The following DNAAF4 variants were observed in gnomAD, a reference collection of about 807,000 sequenced individuals.
The protein encoded by DNAAF4 is dynein axonemal assembly factor 4.
In DNAAF4, 43 loss-of-function variants were observed where a neutral mutation model predicts 51.8. The ratio of observed to expected loss-of-function variants is 0.83; its 90% confidence interval spans 0.65 to 1.07. DNAAF4 has a LOEUF of 1.07. Among genes scored for constraint, DNAAF4 ranks in the 50% least tolerant of loss-of-function variants. DNAAF4 has a pLI of 0.00. For missense variants in DNAAF4, 581 were observed against 493.0 expected, an observed-to-expected ratio of 1.18 and a Z score of -1.69; for synonymous variants, 194 against 165.6, an observed-to-expected ratio of 1.17 and a Z score of -1.32.
chr15:55,442,551 A>G lies in DNAAF4; in HGVS notation c.784-2970T>C, dbSNP rs576674304. 13 of 911,184 alleles carry G rather than the reference A, an allele frequency of 1.4e-5. No individual in the cohort carries two copies. In the Admixed American group the frequency reaches 2.0e-4, roughly 14 times the overall value. The allele number at this position is 911,184 out of a possible 1,614,324, so 56.4% of individuals were successfully genotyped here. ...GGCAGGCTTCTCCCTACAGGGATTC[A>G]GCAGTGAGGGAGCAGAGTATTCGGG... On this transcript the variant is annotated intron_variant, in intron 6 of 9. Transcript: ENST00000321149.
At chr15:55,495,940 T>C (rs1015614786) in intron 3 of DNAAF4, among the ~76,000 whole-genome samples, 2 of 152,052 alleles carry the variant, frequency 1.3e-5, no homozygotes, top group African/African-American at 4.8e-5. Flanking sequence ...AAACTGGGGA[T>C]GTCAGGCCGG....
intron 5 of DNAAF4, among the ~76,000 whole-genome samples, chr15:55,457,265 G>A (rs573936090): frequency 2.9e-4 from 44 of 152,262 alleles, no homozygotes; most frequent in Middle Eastern, 3.4e-3. Context: ...GGAGCTAGGT[G>A]AGGCCTGTCA....
In DNAAF4 at chr15:55,473,187, T is replaced by TA. The variant is rs879351208; in HGVS notation, c.406-6027dup. On this transcript the variant is annotated intron_variant, in intron 4 of 9. Coordinates refer to ENST00000321149, the MANE Select transcript of DNAAF4 (RefSeq NM_130810.4). ...CCTCAAAACAAACAAAAAAAAAACC[T>TA]AAAAAAAAAAAATATATATATATAT... Among the ~76,000 whole-genome samples, 88 of 27,526 alleles carry TA rather than the reference T, an allele frequency of 3.2e-3. 8 individuals carry two copies. The highest frequency in any genetic ancestry group is 0.042 in the Middle Eastern group (1 of 24). The allele number at this position is 27,526 out of a possible 152,430, so 18.1% of individuals were successfully genotyped here.
intron 4 of DNAAF4, among the ~76,000 whole-genome samples, chr15:55,481,247 A>G (rs2141556010): frequency 6.6e-6 from 1 of 152,260 alleles, no homozygotes; most frequent in South Asian, 2.1e-4. Context: ...CTTTTCCTAG[A>G]GGGAAAGCAC....
intron 5 of DNAAF4, among the ~76,000 whole-genome samples, chr15:55,451,774 G>T (rs1595909905): frequency 6.6e-6 from 1 of 151,882 alleles, no homozygotes. Flanking sequence ...CACCATACAT[G>T]GCTAATTTTT....
chr15:55,446,032 G>A lies in DNAAF4; in HGVS notation c.783+4190C>T, dbSNP rs193087772. On this transcript the variant is annotated intron_variant, in intron 6 of 9. Coordinates refer to ENST00000321149, the MANE Select transcript of DNAAF4 (RefSeq NM_130810.4). ...CAGAGGCGCTCCTCACCTCCCAGACGGGGTGGCCGGGCAGAGGCACTCCCC... is the reference window on the plus strand; with the variant it reads ...CAGAGGCGCTCCTCACCTCCCAGACAGGGTGGCCGGGCAGAGGCACTCCCC... Among the ~76,000 whole-genome samples the A allele has an allele frequency of 2.6e-3, 358 of 140,206 alleles. 15 individuals are homozygous for A. In the East Asian group the frequency reaches 0.076, roughly 30 times the overall value. The allele number at this position is 140,206 out of a possible 152,430, so 92.0% of individuals were successfully genotyped here.
At position 55,433,915 on chromosome 15, in the gene DNAAF4, T is replaced by TATA. The variant is rs1567000461; in HGVS notation, c.1047+987_1047+989dup. Among the ~76,000 whole-genome samples, 27 of 10,054 alleles carry TATA rather than the reference T, an allele frequency of 2.7e-3. 3 individuals are homozygous for TATA. The highest frequency in any genetic ancestry group is 0.01 in the South Asian group (4 of 388). The allele number at this position is 10,054 out of a possible 152,430, so 6.6% of individuals were successfully genotyped here. The stretch of plus-strand genomic sequence containing the variant: ...ATATATTATATATATTATATATAAT[T>TATA]ATATATATTATATTATATAAAATAT... On this transcript the variant is annotated intron_variant, in intron 8 of 9. Coordinates refer to ENST00000321149, the MANE Select transcript of DNAAF4 (RefSeq NM_130810.4).
At chr15:55,492,291 A>C (rs530694813) in intron 3 of DNAAF4, among the ~76,000 whole-genome samples, 12 of 149,724 alleles carry the variant, frequency 8.0e-5, no homozygotes, top group Admixed American at 7.9e-4. Context: ...AAAAAAAAAA[A>C]CAGAAGGGGA....
Position 55,433,912 on chromosome 15 carries a change from AATT to A in DNAAF4, c.1047+990_1047+992del, listed in dbSNP as rs372318753. ...TATATATATTATATATATTATATAT[AATT>A]ATATATATTATATTATATAAAATAT... is the stretch of plus-strand genomic sequence containing the variant. On this transcript the variant is annotated intron_variant, in intron 8 of 9. Transcript: ENST00000321149. Among the ~76,000 whole-genome samples, 34 of 8,196 alleles carry A rather than the reference AATT, an allele frequency of 4.1e-3. 1 individual carries two copies. The highest frequency in any genetic ancestry group is 0.021 in the African/African-American group (25 of 1,202). 5.4% of individuals were successfully genotyped at this position (8,196 alleles called of 152,430 possible).
At chr15:55,480,052 T>C (rs540942042) in intron 4 of DNAAF4, among the ~76,000 whole-genome samples, 2 of 152,322 alleles carry the variant, frequency 1.3e-5, no homozygotes, top group South Asian at 4.1e-4. Flanking sequence ...CTCAGAAGTA[T>C]GTGATCTTTG....
chr15:55,501,033 A>G (rs1567037810), intron 1 of DNAAF4, among the ~76,000 whole-genome samples: 2 of 148,812 alleles, frequency 1.3e-5, no homozygotes, highest in Non-Finnish European at 3.0e-5. Context: ...AAAAAAAAAA[A>G]TACCTGTATG....
chr15:55,435,100 A>T (rs745651876), intron 7 of DNAAF4, 42 bp from the exon 8 acceptor site: 1 of 1,547,744 alleles, frequency 6.5e-7, no homozygotes, highest in Non-Finnish European at 8.7e-7. Context: ...TTTAACATTG[A>T]AACAGAAACA....
rs1195323152 is a variant in DNAAF4 at position 55,418,447 on chromosome 15, T to C, written c.1048-314A>G. On this transcript the variant is annotated intron_variant, in intron 7 of 7. Transcript: ENST00000448430. ...CACAGTTTTTCCCCTGCAATTATAC[T>C]CCAAAGGAGCAAGTATTTTCAAGCC... 2.0e-6 allele frequency: 3 copies of C among 1,521,902 alleles called. No individual in the cohort carries two copies. The East Asian group carries it at 7.4e-5, about 37-fold the overall frequency. 94.3% of individuals were successfully genotyped at this position (1,521,902 alleles called of 1,614,324 possible).
At chr15:55,422,434 G>C (rs1420009426) in intron 7 of DNAAF4, among the ~76,000 whole-genome samples, 3 of 152,140 alleles carry the variant, frequency 2.0e-5, no homozygotes, top group African/African-American at 7.2e-5. Flanking sequence ...ACTACAAAGT[G>C]TAGGTAGAAA....
At chr15:55,464,661 C>A (rs982522438) in intron 5 of DNAAF4, among the ~76,000 whole-genome samples, 3 of 152,136 alleles carry the variant, frequency 2.0e-5, no homozygotes, top group Admixed American at 6.6e-5. Context: ...ATAGACAATT[C>A]TCAAAAGAAG....
rs561859211 is a variant in DNAAF4, at chr15:55,423,748, T to G, written c.1048-5615A>C. ...CCGGTGGATCACTTAAGATAAGGAG[T>G]GCGAGACCAGGCTGGCCAATATGGT... On this transcript the variant is annotated intron_variant, in intron 7 of 7. Transcript: ENST00000448430. Among the ~76,000 whole-genome samples, 56 of 151,774 alleles carry G rather than the reference T, an allele frequency of 3.7e-4. No homozygotes were observed. The South Asian group carries it at 5.6e-3, about 15-fold the overall frequency.
intron 5 of DNAAF4, among the ~76,000 whole-genome samples, chr15:55,450,800 T>C (rs1328010021): frequency 6.6e-6 from 1 of 152,172 alleles, no homozygotes. Flanking sequence ...CAAAGAGAAC[T>C]AATGAGAACT....
At chr15:55,445,845 A>T (rs375454799) in intron 6 of DNAAF4, among the ~76,000 whole-genome samples, 1 of 134,962 alleles carries the variant, frequency 7.4e-6, no homozygotes, top group Non-Finnish European at 1.5e-5. Flanking sequence ...CACATCCCAG[A>T]CGGGGCAGCC....
chr15:55,463,321 C>T (rs2058122329), intron 5 of DNAAF4, among the ~76,000 whole-genome samples: 1 of 151,880 alleles, frequency 6.6e-6, no homozygotes, highest in South Asian at 2.1e-4. Context: ...AAACCCATGG[C>T]CAATATTATA....
Sources: allele counts gnomAD v4.1 joint callset (sites outside exome capture counted in the v4.1 genomes callset), GRCh38; gene constraint gnomAD v4.1.1; transcripts MANE v1.5; gene names NCBI Gene and HGNC (gene_info 2026-07-23, HGNC 2026-07-21).